TNFRSF19: variants seen among roughly 807,000 people sequenced by gnomAD.
TNFRSF19 encodes the protein TNF receptor superfamily member 19.
A neutral mutation model predicts 46.4 loss-of-function variants in TNFRSF19; 27 were observed. The ratio of observed to expected loss-of-function variants is 0.58; its 90% CI spans 0.43 to 0.80. The LOEUF is 0.80. TNFRSF19 is among the 30% of genes least tolerant of loss of function. TNFRSF19 has a pLI of 0.00. For synonymous variants in TNFRSF19, 204 were observed against 205.0 expected, an observed-to-expected ratio of 1.00 and a Z score of 0.04; for missense variants, 511 against 530.8, an observed-to-expected ratio of 0.96 and a Z score of 0.37.
At chr13:23,636,742 G>C (rs746115436) in intron 5 of TNFRSF19, among the ~76,000 whole-genome samples, 2 of 152,148 alleles carry the variant, frequency 1.3e-5, no homozygotes, top group Non-Finnish European at 2.9e-5. Flanking sequence ...CTCCTGGGCC[G>C]TTATGAAGAT....
At position 23,653,401 on chromosome 13, in the gene TNFRSF19, C is replaced by A. The variant is rs369674492; in HGVS notation, c.446-5649C>A. On this transcript the variant is annotated intron_variant, in intron 5 of 9. Transcript: ENST00000248484. ...TACCTTGGGAGAGAATGACAGTGAA[C>A]CAAACAAGTAAAGTATACAAAATGT... Among the ~76,000 whole-genome samples the A allele has an allele frequency of 3.3e-5, 5 of 152,194 alleles. No individual in the cohort carries two copies. The East Asian group carries it at 9.7e-4, about 29-fold the overall frequency.
intron 3 of TNFRSF19, among the ~76,000 whole-genome samples, chr13:23,607,143 T>C (rs1429784613): frequency 2.6e-5 from 4 of 152,114 alleles, no homozygotes; most frequent in Non-Finnish European, 5.9e-5. Context: ...ATATTAAATG[T>C]ATAGTTTGGG....
intron 5 of TNFRSF19, among the ~76,000 whole-genome samples, chr13:23,635,658 T>C (rs1158778292): frequency 6.6e-6 from 1 of 152,196 alleles, no homozygotes; most frequent in East Asian, 1.9e-4. Flanking sequence ...GGATTACAGG[T>C]GTGAGCCACA....
chr13:23,673,023 G>T (rs1208011509), intron 9 of TNFRSF19, among the ~76,000 whole-genome samples: 2 of 152,190 alleles, frequency 1.3e-5, no homozygotes, highest in East Asian at 3.8e-4. Flanking sequence ...ATGCTTTAAA[G>T]GAACACAGTA....
At position 23,593,450 on chromosome 13, in the gene TNFRSF19, T is replaced by C. The variant is rs1343025239; in HGVS notation, c.175T>C (p.Ser59Pro). 6.3e-7 allele frequency: 1 copy of C among 1,598,444 alleles called. No individual in the cohort carries two copies. Among genetic ancestry groups the C allele is most frequent in the East Asian group, 2.2e-5 (1 of 44,488 alleles). The part of the protein sequence containing the change: ...CNQCGPGMEL[S>P]KECGFGYGED... ...CCAGTGTGGGCCAGGCATGGAGTTGTCTAAGGTATATTGGATACATGGCAA... is the reference window on the plus strand; with the variant it reads ...CCAGTGTGGGCCAGGCATGGAGTTGCCTAAGGTATATTGGATACATGGCAA... Residue 59 changes from serine (S) to proline (P), a missense_variant, in exon 3 of 10, where the codon TCT (serine) becomes CCT (proline). Ser to Pro is a moderately conservative substitution (Grantham distance 74). Coordinates refer to ENST00000248484, the MANE Select transcript of TNFRSF19 (RefSeq NM_148957.4).
rs1340617951 is a variant in TNFRSF19, at chr13:23,675,746, G to A, written c.*2366G>A. ...GTGTGGCTGAATGGGCATAACCACT[G>A]TGGCTTCTTGTGCTGCAGAAGCTCG... On this transcript the variant is annotated 3_prime_UTR_variant, in exon 10 of 10. Transcript: ENST00000248484. 6.6e-6 allele frequency: 1 copy of A among 152,232 alleles called. No individual in the cohort carries two copies. Among genetic ancestry groups the A allele is most frequent in the Non-Finnish European group, 1.5e-5 (1 of 68,040 alleles). The allele number at this position is 152,232 out of a possible 1,614,324, so 9.4% of individuals were successfully genotyped here.
At chr13:23,609,281 T>C (rs543723530) in intron 3 of TNFRSF19, among the ~76,000 whole-genome samples, 1 of 152,274 alleles carries the variant, frequency 6.6e-6, no homozygotes, top group Admixed American at 6.5e-5. Context: ...ATACAAAAGC[T>C]TGTTCTGGGC....
intron 3 of TNFRSF19, among the ~76,000 whole-genome samples, chr13:23,604,327 T>A (rs1880371820): frequency 6.7e-6 from 1 of 150,128 alleles, no homozygotes; most frequent in African/African-American, 2.5e-5. Flanking sequence ...ATGAGGAAAA[T>A]TACAAGACTC....
intron 1 of TNFRSF19, among the ~76,000 whole-genome samples, chr13:23,575,495 C>T (rs1390851975): frequency 1.3e-5 from 2 of 152,204 alleles, no homozygotes; most frequent in African/African-American, 4.8e-5. Context: ...ACGGTGCTCC[C>T]TCAGCCCCAT....
At chr13:23,616,349 G>T (rs35520244) in intron 4 of TNFRSF19, among the ~76,000 whole-genome samples, 30,700 of 152,094 alleles carry the variant, frequency 0.2, 3,723 homozygotes, top group East Asian at 0.3. Context: ...ACACAAAAAT[G>T]AACAAGCAAC....
intron 5 of TNFRSF19, among the ~76,000 whole-genome samples, chr13:23,637,186 A>G (rs182714720): frequency 3.3e-5 from 5 of 152,248 alleles, no homozygotes; most frequent in Admixed American, 3.3e-4. Context: ...GGCCTGAAAA[A>G]TAAAATCAGG....
chr13:23,604,653 C>T (rs1021560500), intron 3 of TNFRSF19, among the ~76,000 whole-genome samples: 1 of 152,042 alleles, frequency 6.6e-6, no homozygotes, highest in Non-Finnish European at 1.5e-5. Flanking sequence ...AAAGAAGAGA[C>T]AAACCAATCA....
At chr13:23,597,524 A>G (rs145864977) in intron 3 of TNFRSF19, among the ~76,000 whole-genome samples, 1,524 of 152,308 alleles carry the variant, frequency 0.01, 28 homozygotes, top group African/African-American at 0.035. Context: ...CTGGACACAT[A>G]CACCCTCCCT....
chr13:23,606,787 A>T (rs1162916901), intron 3 of TNFRSF19, among the ~76,000 whole-genome samples: 1 of 152,240 alleles, frequency 6.6e-6, no homozygotes, highest in Non-Finnish European at 1.5e-5. Flanking sequence ...CACAAATGAA[A>T]ACATAAATAT....
intron 7 of TNFRSF19, among the ~76,000 whole-genome samples, chr13:23,664,395 A>G (rs1325802981): frequency 6.6e-6 from 1 of 151,848 alleles, no homozygotes; most frequent in Non-Finnish European, 1.5e-5. Flanking sequence ...CTATGTATTT[A>G]TATTCTTCAG....
intron 5 of TNFRSF19, among the ~76,000 whole-genome samples, chr13:23,646,021 C>G (rs982637140): frequency 2.6e-5 from 4 of 152,138 alleles, no homozygotes; most frequent in Non-Finnish European, 5.9e-5. Flanking sequence ...ACTCACAATC[C>G]ATCAGTGTAT....
intron 1 of TNFRSF19, among the ~76,000 whole-genome samples, chr13:23,587,738 T>G (rs1878945941): frequency 6.6e-6 from 1 of 152,192 alleles, no homozygotes; most frequent in African/African-American, 2.4e-5. Flanking sequence ...TTCTCGTATT[T>G]GTTTCCTTGG....
chr13:23,660,236 A>G, intron 6 of TNFRSF19, 129 bp from the exon 7 acceptor site: 1 of 917,314 alleles, frequency 1.1e-6, no homozygotes. Flanking sequence ...TTGTGCTTCC[A>G]TGTAAGAAGA....
chr13:23,600,539 A>C (rs1880062898), intron 3 of TNFRSF19, among the ~76,000 whole-genome samples: 1 of 152,206 alleles, frequency 6.6e-6, no homozygotes, highest in South Asian at 2.1e-4. Context: ...CAAAACAAAA[A>C]AATCCCTTGT....
Sources: allele counts gnomAD v4.1 joint callset (sites outside exome capture counted in the v4.1 genomes callset), GRCh38; gene constraint gnomAD v4.1.1; transcripts MANE v1.5; gene names NCBI Gene and HGNC (gene_info 2026-07-23, HGNC 2026-07-21).